TJP2: variants seen among roughly 807,000 people sequenced by gnomAD.
The protein encoded by TJP2 is Friedreich ataxia region gene X104 (tight junction protein ZO-2).
In TJP2, 91 loss-of-function variants were observed where a neutral mutation model predicts 133.1. That is an observed-to-expected ratio of 0.68 (90% confidence interval 0.58 to 0.81). The LOEUF is 0.81. Ranked by LOEUF, TJP2 falls within the 40% of genes least tolerant of loss-of-function variation. TJP2 has a pLI of 0.00. For missense variants in TJP2, 1,541 were observed against 1,565.6 expected (o/e 0.98, Z 0.26); for synonymous variants, 592 against 583.4 (o/e 1.01, Z -0.21).
At chr9:69,159,373 T>C (rs901651017) in intron 2 of TJP2, among the ~76,000 whole-genome samples, 4 of 138,112 alleles carry the variant, frequency 2.9e-5, no homozygotes, top group African/African-American at 8.3e-5. Context: ...TTTATTATAA[T>C]TATTGCTGTT....
At chr9:69,154,570 G>T (rs1198416658) in intron 2 of TJP2, among the ~76,000 whole-genome samples, 1 of 150,616 alleles carries the variant, frequency 6.6e-6, no homozygotes, top group African/African-American at 2.4e-5. Context: ...CGGGAGGATC[G>T]CTTAAGCCCA....
At chr9:69,178,529 G>C (rs1320150656) in intron 1 of TJP2, among the ~76,000 whole-genome samples, 3 of 152,206 alleles carry the variant, frequency 2.0e-5, no homozygotes, top group African/African-American at 7.2e-5. Flanking sequence ...TACTTATAGA[G>C]AGCCTGGTAT....
At chr9:69,189,663 TAAA>T (rs34446622) in intron 1 of TJP2, among the ~76,000 whole-genome samples, 1 of 65,616 alleles carries the variant, frequency 1.5e-5, no homozygotes, top group Admixed American at 1.5e-4. Flanking sequence ...TTAAAAAAGT[TAAA>T]AAAAAAAAAA....
At chr9:69,150,021 G>A (rs964482950) in intron 1 of TJP2, among the ~76,000 whole-genome samples, 1 of 151,892 alleles carries the variant, frequency 6.6e-6, no homozygotes, top group Admixed American at 6.6e-5. Flanking sequence ...GTGGTGGCAC[G>A]TGCCTGTAAT....
In TJP2 at chr9:69,221,018, GAGCCGGCTGAAC is replaced by G. The variant is rs1828781490; in HGVS notation, c.479_490del (p.Arg160_Ser163del). 1 of 1,610,328 alleles carries G rather than the reference GAGCCGGCTGAAC, an allele frequency of 6.2e-7. No homozygotes were observed. The highest frequency in any genetic ancestry group is 1.3e-5 in the African/African-American group (1 of 74,906). ...GTTTCCGGAGTGGCTACAGCGAGAG[GAGCCGGCTGAAC>G]AGCCATGGGGGGCGCAGCCGCAGCT... On this transcript the variant is annotated inframe_deletion, in exon 5 of 23. Coordinates refer to ENST00000377245, the MANE Select transcript of TJP2 (RefSeq NM_004817.4).
At chr9:69,250,065 T>C (rs1444759641) in intron 20 of TJP2, among the ~76,000 whole-genome samples, 1 of 152,248 alleles carries the variant, frequency 6.6e-6, no homozygotes, top group Non-Finnish European at 1.5e-5. Context: ...TTTTTCCTTA[T>C]ACCAGAATAA....
chr9:69,223,815 C>G (rs1405761156), intron 5 of TJP2, among the ~76,000 whole-genome samples: 2 of 152,238 alleles, frequency 1.3e-5, no homozygotes. Flanking sequence ...GGCCACAACA[C>G]TTCTAATCTT....
At chr9:69,214,159 C>G (rs1828165759) in intron 2 of TJP2, among the ~76,000 whole-genome samples, 1 of 152,164 alleles carries the variant, frequency 6.6e-6, no homozygotes, top group Admixed American at 6.5e-5. Flanking sequence ...GATCTCAGCT[C>G]ACTGCAACCT....
chr9:69,238,434 G>A (rs1407820119), intron 15 of TJP2, among the ~76,000 whole-genome samples: 1 of 152,012 alleles, frequency 6.6e-6, no homozygotes, highest in Non-Finnish European at 1.5e-5. Context: ...TGATTTTTAT[G>A]TCTTTCCAGT....
At chr9:69,245,655 G>A (rs1466166004) in intron 17 of TJP2, among the ~76,000 whole-genome samples, 2 of 152,074 alleles carry the variant, frequency 1.3e-5, no homozygotes, top group Non-Finnish European at 2.9e-5. Flanking sequence ...TGTGGCCTTG[G>A]GCTAGTTAAT....
At chr9:69,234,106 C>G (rs1472116865) in intron 11 of TJP2, among the ~76,000 whole-genome samples, 1 of 152,134 alleles carries the variant, frequency 6.6e-6, no homozygotes, top group African/African-American at 2.4e-5. Flanking sequence ...GAGAGACTCA[C>G]AGAAGGGAGA....
chr9:69,254,517 C>A lies in TJP2; in HGVS notation c.*143C>A. 1 of 1,068,282 alleles carries A rather than the reference C, an allele frequency of 9.4e-7. No individual in the cohort carries two copies. The highest frequency in any genetic ancestry group is 1.4e-6 in the Non-Finnish European group (1 of 719,288). 66.2% of individuals were successfully genotyped at this position (1,068,282 alleles called of 1,614,324 possible). ...CCAGCTCGTGTGTCCTCATGGAGAA[C>A]CCAGGGGACAGCTGGTGCAAATTCA... On this transcript the variant is annotated 3_prime_UTR_variant, in exon 23 of 23. Coordinates refer to ENST00000377245, the MANE Select transcript of TJP2 (RefSeq NM_004817.4).
At chr9:69,203,346 C>T (rs1490485699) in intron 1 of TJP2, among the ~76,000 whole-genome samples, 1 of 151,838 alleles carries the variant, frequency 6.6e-6, no homozygotes, top group African/African-American at 2.4e-5. Context: ...AGACGGAGTT[C>T]ACTCTTGTTG....
At chr9:69,207,029 A>G (rs1272997905) in intron 1 of TJP2, among the ~76,000 whole-genome samples, 3 of 152,034 alleles carry the variant, frequency 2.0e-5, no homozygotes, top group Non-Finnish European at 4.4e-5. Flanking sequence ...AAATTTGTGT[A>G]CCTCCCACCA....
Position 69,125,741 on chromosome 9 carries a change from A to G in TJP2, c.-131+4016A>G, listed in dbSNP as rs1286135379. 2.1e-4 allele frequency among the ~76,000 whole-genome samples: 16 copies of G among 77,276 alleles called. 7 individuals carry two copies. Among genetic ancestry groups the G allele is most frequent in the Admixed American group, 1.7e-3 (9 of 5,292 alleles). The allele number at this position is 77,276 out of a possible 152,430, so 50.7% of individuals were successfully genotyped here. On this transcript the variant is annotated intron_variant, in intron 1 of 5. Transcript: ENST00000423935. ...AAGATAACACAATTTTATATACAAC[A>G]TGAAATAAAATTAACAATAGTTTCT...
intron 1 of TJP2, among the ~76,000 whole-genome samples, chr9:69,182,160 T>C (rs1424057566): frequency 6.6e-6 from 1 of 152,206 alleles, no homozygotes; most frequent in Non-Finnish European, 1.5e-5. Flanking sequence ...ATCACTGCTG[T>C]CATCTGAGTT....
intron 1 of TJP2, among the ~76,000 whole-genome samples, chr9:69,183,696 A>G (rs1235745646): frequency 6.6e-6 from 1 of 152,220 alleles, no homozygotes; most frequent in African/African-American, 2.4e-5. Flanking sequence ...GTGAATTCCT[A>G]GGACCATAGG....
chr9:69,200,676 G>C (rs1588038561), intron 1 of TJP2, among the ~76,000 whole-genome samples: 1 of 152,154 alleles, frequency 6.6e-6, no homozygotes, highest in South Asian at 2.1e-4. Flanking sequence ...TTATAGGCTT[G>C]AGCCACCATG....
intron 11 of TJP2, among the ~76,000 whole-genome samples, chr9:69,232,558 A>G (rs1829868195): frequency 6.6e-6 from 1 of 152,198 alleles, no homozygotes; most frequent in Non-Finnish European, 1.5e-5. Context: ...CCTTATACAC[A>G]TGCTAATCAC....
Sources: gnomAD v4.1 joint callset for allele counts (sites outside exome capture counted in the v4.1 genomes callset) on GRCh38, gnomAD v4.1.1 for gene constraint, MANE v1.5 for transcripts, NCBI Gene and HGNC (gene_info 2026-07-23, HGNC 2026-07-21) for gene names.